ABCB9: variants seen among roughly 807,000 people sequenced by gnomAD.
The protein encoded by ABCB9 is ATP binding cassette subfamily B member 9.
Under a neutral mutation model 62.0 loss-of-function variants are expected in ABCB9, and 36 were observed. The observed-to-expected ratio is 0.58, with a 90% confidence interval of 0.45 to 0.77. The LOEUF is 0.77. Ranked by LOEUF, ABCB9 falls within the 30% of genes least tolerant of loss-of-function variation. The pLI, the probability that ABCB9 is intolerant of heterozygous loss-of-function variation, is 0.00. For missense variants in ABCB9, 943 were observed against 1,054.7 expected (o/e 0.89, Z 1.47); for synonymous variants, 435 against 461.4 (o/e 0.94, Z 0.73).
intron 9 of ABCB9, among the ~76,000 whole-genome samples, chr12:122,937,355 T>C (rs117008981): frequency 0.11 from 16,327 of 147,888 alleles, 1,188 homozygotes; most frequent in Non-Finnish European, 0.16. Flanking sequence ...CGAGACTCCA[T>C]CTTAAAAAAA....
At chr12:122,953,424 G>C (rs546185356) in intron 2 of ABCB9, among the ~76,000 whole-genome samples, 1 of 152,208 alleles carries the variant, frequency 6.6e-6, no homozygotes, top group South Asian at 2.1e-4. Context: ...GTCGCACTCC[G>C]TCGCCCAGGC....
chr12:122,972,913 G>A (rs889647907), intron 1 of ABCB9: 1 of 152,034 alleles, frequency 6.6e-6, no homozygotes, highest in Non-Finnish European at 1.5e-5. Context: ...ATATACATAC[G>A]ACTCTGGAAT....
downstream of ABCB9, among the ~76,000 whole-genome samples, chr12:122,919,841 G>A (rs745697916): frequency 1.2e-4 from 18 of 151,918 alleles, no homozygotes; most frequent in South Asian, 4.2e-4. Flanking sequence ...ACCTTAGGTC[G>A]CTGTTAGGAC....
chr12:122,949,420 C>T (rs2036234510), intron 4 of ABCB9: 1 of 213,014 alleles, frequency 4.7e-6, no homozygotes, highest in African/African-American at 2.2e-5. Flanking sequence ...ATCGTCTTCC[C>T]CGTTGTGGCC....
chr12:122,919,881 G>GTTTATTTATTTTTTA (rs942930448), downstream of ABCB9, among the ~76,000 whole-genome samples: 480 of 138,896 alleles, frequency 3.5e-3, 3 homozygotes, highest in East Asian at 0.011. Flanking sequence ...CTGTTTGTTT[G>GTTTATTTATTTTTTA]TTTATTTATT....
In ABCB9 at chr12:122,959,294, G is replaced by A. The variant is rs2036767297; in HGVS notation, c.601+341C>T. ...TTGAAGCTGGGAGGCAGAGGTTGCA[G>A]TGACCTGAGATTGTGCCACTGCACT... On this transcript the variant is annotated intron_variant, in intron 2 of 11. Coordinates refer to ENST00000280560, the MANE Select transcript of ABCB9 (RefSeq NM_019625.4). This position sits in a 1 kb window ranked among gnomAD's most constrained non-coding sequence, Gnocchi z 5.4. Among the ~76,000 whole-genome samples the A allele has an allele frequency of 6.6e-6, 1 of 151,972 alleles. No homozygotes were observed. The highest frequency in any genetic ancestry group is 2.4e-5 in the African/African-American group (1 of 41,426).
intron 11 of ABCB9, among the ~76,000 whole-genome samples, chr12:122,922,519 A>G (rs2034773790): frequency 6.6e-6 from 1 of 151,938 alleles, no homozygotes; most frequent in Non-Finnish European, 1.5e-5. Context: ...AGCTGGGACT[A>G]CAGGCATGTG....
chr12:122,939,066 G>C (rs550451837), intron 9 of ABCB9, among the ~76,000 whole-genome samples: 3 of 152,060 alleles, frequency 2.0e-5, no homozygotes, highest in South Asian at 2.1e-4. Context: ...CAGCTACTAG[G>C]GGGGCTGAGA....
Position 122,962,968 on chromosome 12 carries a change from A to G in ABCB9, c.-87-2646T>C, listed in dbSNP as rs538856917. 4.9e-3 allele frequency among the ~76,000 whole-genome samples: 751 copies of G among 152,176 alleles called. 5 individuals are homozygous for G. Among genetic ancestry groups the G allele is most frequent in the Non-Finnish European group, 8.3e-3 (567 of 67,988 alleles). The stretch of plus-strand genomic sequence containing the variant: ...TCTGAGCCCAGAATCTGTGTTCTTC[A>G]CCCCTAAACTAAGATAACATTCAAT... On this transcript the variant is annotated intron_variant, in intron 1 of 11. Coordinates refer to ENST00000280560, the MANE Select transcript of ABCB9 (RefSeq NM_019625.4).
intron 2 of ABCB9, among the ~76,000 whole-genome samples, chr12:122,958,271 G>A (rs1292817252): frequency 1.3e-5 from 2 of 151,578 alleles, no homozygotes; most frequent in South Asian, 2.1e-4. Context: ...TGGTATAGCC[G>A]CACAATGGAA....
upstream of ABCB9, chr12:122,966,605 G>GC (rs2037190565): frequency 2.0e-5 from 3 of 152,022 alleles, no homozygotes; most frequent in East Asian, 5.8e-4. Flanking sequence ...ACGGGGCGGG[G>GC]CCCCCGAGGA....
chr12:122,938,475 T>G (rs2035569030), intron 9 of ABCB9, among the ~76,000 whole-genome samples: 1 of 152,002 alleles, frequency 6.6e-6, no homozygotes, highest in South Asian at 2.1e-4. Context: ...GAGGCTGCAG[T>G]AAGTTGTGAC....
intron 2 of ABCB9, chr12:122,951,017 T>TTTC (rs1356430493): frequency 6.6e-6 from 1 of 151,112 alleles, no homozygotes; most frequent in East Asian, 2.0e-4. Context: ...AATTTTTTTT[T>TTTC]TTTTTTTTTT....
intron 5 of ABCB9, chr12:122,946,465 G>A: frequency 3.6e-6 from 2 of 563,370 alleles, no homozygotes; most frequent in South Asian, 2.0e-5. Flanking sequence ...CTGAAGGATA[G>A]GGCACGGTGC....
In ABCB9 at chr12:122,944,085, C is replaced by T. The variant is rs368030889; in HGVS notation, c.1380+306G>A. Among the ~76,000 whole-genome samples, 5 of 152,172 alleles carry T rather than the reference C, an allele frequency of 3.3e-5. No individual in the cohort carries two copies. The highest frequency in any genetic ancestry group is 6.5e-5 in the Admixed American group (1 of 15,268). Reference sequence around the variant, plus strand: ...CTGGGATTACAGGTACCCACCAACACGCTTGGCTAATTTTTGTGTTTTCAG... The same window carrying T: ...CTGGGATTACAGGTACCCACCAACATGCTTGGCTAATTTTTGTGTTTTCAG... On this transcript the variant is annotated intron_variant, in intron 7 of 11. Transcript: ENST00000280560. The surrounding 1 kb of genome is among the most constrained non-coding windows in gnomAD (Gnocchi z 4.9).
rs762418423 is a variant in ABCB9, at chr12:122,940,155, C to A, written c.1699G>T (p.Gly567Cys). ...PLEGGRVLLD[G>C]KPISAYDHKY... ...TGGTCGTAGGCGCTGATGGGCTTGCCGTCCAGCAGCACCCGGCCCCCCTCC... is the reference window on the plus strand; with the variant it reads ...TGGTCGTAGGCGCTGATGGGCTTGCAGTCCAGCAGCACCCGGCCCCCCTCC... Residue 567 changes from glycine to cysteine, a missense_variant, in exon 9 of 12, where the codon GGC becomes TGC. By Grantham distance (159) the Gly-to-Cys change is radical (BLOSUM62 -3). Coordinates refer to ENST00000280560, the MANE Select transcript of ABCB9 (RefSeq NM_019625.4). The surrounding 1 kb of genome is among the most constrained non-coding windows in gnomAD (Gnocchi z 4.8). 1 of 1,613,218 alleles carries A rather than the reference C, an allele frequency of 6.2e-7. No homozygotes were observed. The highest frequency in any genetic ancestry group is 8.5e-7 in the Non-Finnish European group (1 of 1,179,732).
At chr12:122,924,941 G>C (rs2034850203), downstream of ABCB9, 1 of 978,152 alleles carries the variant, frequency 1.0e-6, no homozygotes, top group Non-Finnish European at 1.5e-6. Context: ...TTTTGAGACA[G>C]AGTCTCACTC....
chr12:122,923,436 G>A (rs1210525790), intron 11 of ABCB9, among the ~76,000 whole-genome samples: 2 of 152,078 alleles, frequency 1.3e-5, no homozygotes, highest in African/African-American at 2.4e-5. Context: ...ACAGGCACCC[G>A]CCACCACGCC....
At chr12:122,945,727 A>T (rs2035997475) in intron 6 of ABCB9, among the ~76,000 whole-genome samples, 1 of 151,870 alleles carries the variant, frequency 6.6e-6, no homozygotes, top group South Asian at 2.1e-4. Context: ...AAAATACAAA[A>T]ATTAGCCAGG....
Sources: gnomAD v4.1 joint callset for allele counts (sites outside exome capture counted in the v4.1 genomes callset) on GRCh38, gnomAD v4.1.1 for gene constraint, Gnocchi (gnomAD v3.1) non-coding constraint, MANE v1.5 for transcripts, NCBI Gene and HGNC (gene_info 2026-07-23, HGNC 2026-07-21) for gene names.